ABHD17C: variants seen among roughly 807,000 people sequenced by gnomAD.
ABHD17C encodes the protein alpha/beta hydrolase domain-containing protein 17C.
Under a neutral mutation model 27.9 loss-of-function variants are expected in ABHD17C, and 11 were observed. The ratio of observed to expected loss-of-function variants is 0.39; its 90% CI spans 0.25 to 0.65. ABHD17C has a LOEUF of 0.65. ABHD17C is among the 30% of genes least tolerant of loss of function. ABHD17C has a pLI of 0.45. For synonymous variants in ABHD17C, 233 were observed against 209.1 expected (o/e 1.11, Z -0.98); for missense variants, 280 against 470.2 (o/e 0.60, Z 3.74).
At chr15:80,705,935 AC>A (rs1894641945) in intron 1 of ABHD17C, among the ~76,000 whole-genome samples, 1 of 152,118 alleles carries the variant, frequency 6.6e-6, no homozygotes, top group South Asian at 2.1e-4. Context: ...TACTTTGCAA[AC>A]CATTCCTGGT....
At chr15:80,713,354 CTTTTTTTTTTTTTTTTT>C (rs67320992) in intron 1 of ABHD17C, among the ~76,000 whole-genome samples, 1 of 43,854 alleles carries the variant, frequency 2.3e-5, no homozygotes, top group African/African-American at 9.9e-5. Flanking sequence ...AGGTCTTGTT[CTTTTTTTTTTTTTTTTT>C]TTTTTTTTTT....
At chr15:80,753,163 C>A (rs908659431) in intron 2 of ABHD17C, among the ~76,000 whole-genome samples, 6 of 151,606 alleles carry the variant, frequency 4.0e-5, no homozygotes, top group African/African-American at 1.5e-4. Flanking sequence ...AAGTTCTGGC[C>A]CTTTTTAAAA....
intron 1 of ABHD17C, among the ~76,000 whole-genome samples, chr15:80,740,277 T>C (rs1425828863): frequency 7.9e-5 from 12 of 152,052 alleles, no homozygotes; most frequent in Admixed American, 7.9e-4. Context: ...TTGAGTTCCT[T>C]AGAGGGAAGA....
At position 80,754,349 on chromosome 15, in the gene ABHD17C, T is replaced by G; in HGVS notation, c.969T>G (p.Ser323=). Residue 323 remains serine (S), a synonymous_variant, in exon 3 of 3, where the codon TCT becomes TCG. Transcript: ENST00000258884. Reference sequence around the variant, plus strand: ...TAGAAAGACTAAAACAGTTCATATCTCACGAACTTCCTAATTCCTGAAGAC... The same window carrying G: ...TAGAAAGACTAAAACAGTTCATATCGCACGAACTTCCTAATTCCTGAAGAC... ...QYLERLKQFI[S]HELPNS is the part of the protein sequence containing the mutation. 4 of 1,613,096 alleles carry G rather than the reference T, an allele frequency of 2.5e-6. No homozygotes were observed. Among genetic ancestry groups the G allele is most frequent in the Non-Finnish European group, 3.4e-6 (4 of 1,179,408 alleles).
intron 1 of ABHD17C, among the ~76,000 whole-genome samples, chr15:80,719,143 T>G (rs1375109471): frequency 1.3e-5 from 2 of 152,180 alleles, no homozygotes; most frequent in African/African-American, 4.8e-5. Context: ...ATGCAGACAA[T>G]GTAACGAGTC....
At chr15:80,742,426 G>GGA (rs1414570072) in intron 1 of ABHD17C, among the ~76,000 whole-genome samples, 1 of 152,192 alleles carries the variant, frequency 6.6e-6, no homozygotes, top group Non-Finnish European at 1.5e-5. Flanking sequence ...TCCAAGGGCA[G>GGA]GAGATCGATG....
chr15:80,731,678 GT>G (rs1895059503), intron 1 of ABHD17C, among the ~76,000 whole-genome samples: 1 of 149,864 alleles, frequency 6.7e-6, no homozygotes, highest in South Asian at 2.1e-4. Context: ...TTTGCAAATT[GT>G]TAATGCCCTT....
intron 1 of ABHD17C, among the ~76,000 whole-genome samples, chr15:80,702,261 G>A (rs1894583409): frequency 6.6e-6 from 1 of 152,172 alleles, no homozygotes; most frequent in Non-Finnish European, 1.5e-5. Flanking sequence ...GTTACTGGGA[G>A]GCTGAGGTGG....
chr15:80,724,867 G>T (rs374067230), intron 1 of ABHD17C, among the ~76,000 whole-genome samples: 16 of 152,128 alleles, frequency 1.1e-4, no homozygotes, highest in African/African-American at 3.6e-4. Flanking sequence ...CTTTTTATTG[G>T]TGGTGGGTTT....
intron 1 of ABHD17C, among the ~76,000 whole-genome samples, chr15:80,706,495 C>T (rs1446188337): frequency 6.6e-6 from 1 of 152,162 alleles, no homozygotes; most frequent in Non-Finnish European, 1.5e-5. Context: ...TTAGTTTGCT[C>T]CTTCACTTTA....
intron 1 of ABHD17C, among the ~76,000 whole-genome samples, chr15:80,742,502 A>G (rs1228862761): frequency 2.0e-5 from 3 of 152,184 alleles, no homozygotes; most frequent in Non-Finnish European, 2.9e-5. Flanking sequence ...TGGGCCCTCA[A>G]TGGATTAGAT....
chr15:80,719,322 G>A (rs1342087677), intron 1 of ABHD17C, among the ~76,000 whole-genome samples: 2 of 152,134 alleles, frequency 1.3e-5, no homozygotes, highest in Non-Finnish European at 2.9e-5. Context: ...GTGTTTTATA[G>A]TTATTTTTGG....
intron 1 of ABHD17C, chr15:80,704,789 G>C (rs996797181): frequency 6.6e-6 from 1 of 152,200 alleles, no homozygotes; most frequent in African/African-American, 2.4e-5. Flanking sequence ...ACAGAGCTCA[G>C]TCTGACAAGA....
chr15:80,734,332 T>TG (rs1350072268), intron 1 of ABHD17C, among the ~76,000 whole-genome samples: 2 of 152,154 alleles, frequency 1.3e-5, no homozygotes, highest in African/African-American at 4.8e-5. Flanking sequence ...AAATGCCCTG[T>TG]GGAGGAGGTA....
intron 1 of ABHD17C, among the ~76,000 whole-genome samples, chr15:80,708,943 A>G (rs1894688545): frequency 6.6e-6 from 1 of 151,970 alleles, no homozygotes. Context: ...TATTTTAGGA[A>G]CCTGGGGACA....
chr15:80,712,908 AC>A (rs1439751962), intron 1 of ABHD17C, among the ~76,000 whole-genome samples: 3 of 152,204 alleles, frequency 2.0e-5, no homozygotes, highest in Non-Finnish European at 2.9e-5. Context: ...TTTATTAAAA[AC>A]AAAACAAAAC....
At chr15:80,733,470 T>C (rs1053138338) in intron 1 of ABHD17C, among the ~76,000 whole-genome samples, 4 of 152,112 alleles carry the variant, frequency 2.6e-5, no homozygotes, top group African/African-American at 9.7e-5. Flanking sequence ...AAGAAGTCAC[T>C]CTGGCCAGGA....
chr15:80,699,537 C>A (rs1380067491), intron 1 of ABHD17C, among the ~76,000 whole-genome samples: 1 of 152,190 alleles, frequency 6.6e-6, no homozygotes, highest in African/African-American at 2.4e-5. Flanking sequence ...CTAACCCATC[C>A]TTTGTATGTC....
At chr15:80,706,028 A>C (rs1247766627) in intron 1 of ABHD17C, among the ~76,000 whole-genome samples, 2 of 152,194 alleles carry the variant, frequency 1.3e-5, no homozygotes, top group African/African-American at 4.8e-5. Flanking sequence ...CAAGGACCAG[A>C]AGGCAAAAGC....
Sources: allele counts gnomAD v4.1 joint callset (sites outside exome capture counted in the v4.1 genomes callset), GRCh38; gene constraint gnomAD v4.1.1; transcripts MANE v1.5; gene names NCBI Gene and HGNC (gene_info 2026-07-23, HGNC 2026-07-21).